The following WDR75 variants were observed in gnomAD, a reference collection of about 807,000 sequenced individuals.
The protein encoded by WDR75 is WD repeat domain 75.
A neutral mutation model predicts 106.1 loss-of-function variants in WDR75; 52 were observed. The observed-to-expected ratio is 0.49, with a 90% CI of 0.39 to 0.62. WDR75 has a LOEUF of 0.62. Among genes scored for constraint, WDR75 ranks in the 20% least tolerant of loss-of-function variants. The probability of loss-of-function intolerance (pLI) is 0.00; values close to 1 mark genes in which losing one functional copy is unlikely to be tolerated. For missense variants in WDR75, 905 were observed against 970.3 expected (o/e 0.93, Z 0.89); for synonymous variants, 333 against 335.5 (o/e 0.99, Z 0.08).
In WDR75 at chr2:189,466,568, ACT is replaced by A. The variant is rs1411794023; in HGVS notation, c.1436_1437del (p.Ser479Ter). On this transcript the variant is annotated frameshift_variant, in exon 13 of 21. Transcript: ENST00000314761. LOFTEE classifies it high-confidence loss of function. ...TTCAAAGTATGGATATTAACAGATG[ACT>A]CTGACATATACAGTAAGTTATTAAA... The A allele has an allele frequency of 6.2e-7, 1 of 1,611,328 alleles. No individual in the cohort carries two copies. Among genetic ancestry groups the A allele is most frequent in the African/African-American group, 1.3e-5 (1 of 74,698 alleles).
At chr2:189,455,183 G>A (rs1686706673) in intron 4 of WDR75, 137 bp from the exon 5 acceptor site, 4 of 986,664 alleles carry the variant, frequency 4.1e-6, no homozygotes, top group Non-Finnish European at 5.6e-6. Context: ...AGAGGTTGCA[G>A]TGAGCCGAGA....
chr2:189,468,534 G>T lies in WDR75; in HGVS notation c.1688G>T (p.Gly563Val). The change falls in exon 15 of 21, where the codon GGC becomes GTC. Residue 563 changes from glycine (G) to valine (V), a missense_variant. Gly to Val is a moderately radical substitution (Grantham distance 109). Transcript: ENST00000314761. The stretch of plus-strand genomic sequence containing the variant: ...TATCTACTTGGTGCTACTGAAAATG[G>T]CATTCTTTGCTGTTGGAATCTGCTG... ...SKYLLGATEN[G>V]ILCCWNLLSC... The T allele has an allele frequency of 2.2e-5, 35 of 1,613,212 alleles. No individual in the cohort carries two copies. Among genetic ancestry groups the T allele is most frequent in the Non-Finnish European group, 3.0e-5 (35 of 1,179,380 alleles).
rs2106114805 is a variant in WDR75 at position 189,451,868 on chromosome 2, T to C, written c.346T>C (p.Phe116Leu). 1.2e-6 allele frequency: 2 copies of C among 1,613,638 alleles called. No homozygotes were observed. The highest frequency in any genetic ancestry group is 1.3e-5 in the African/African-American group (1 of 75,038). The change falls in exon 4 of 21, where the codon TTT (phenylalanine) becomes CTT (leucine). Residue 116 changes from phenylalanine (F) to leucine (L), a missense_variant. Phe to Leu is a conservative substitution (Grantham distance 22). Coordinates refer to ENST00000314761, the MANE Select transcript of WDR75 (RefSeq NM_032168.3). ...FTLAQAEDSV[F>L]VIVNKEKPDI... Reference sequence around the variant, plus strand: ...TCTTGCCCAAGCTGAGGATTCTGTCTTTGTTATAGTGAATAAAGAAAAACC... The same window carrying C: ...TCTTGCCCAAGCTGAGGATTCTGTCCTTGTTATAGTGAATAAAGAAAAACC...
At chr2:189,450,459 T>A in intron 2 of WDR75, 1 of 838,262 alleles carries the variant, frequency 1.2e-6, no homozygotes, top group Non-Finnish European at 1.4e-6. Context: ...GCCTCCCAAG[T>A]AGCTAGGATT....
intron 2 of WDR75, chr2:189,449,484 CTAT>C: frequency 9.1e-7 from 1 of 1,093,456 alleles, no homozygotes; most frequent in African/African-American, 1.6e-5. Flanking sequence ...AATAGCAAAA[CTAT>C]TATTTTGTTA....
intron 1 of WDR75, among the ~76,000 whole-genome samples, chr2:189,447,774 T>C (rs1200126854): frequency 1.3e-5 from 2 of 152,228 alleles, no homozygotes; most frequent in Non-Finnish European, 2.9e-5. Flanking sequence ...CAAATTTGAG[T>C]ATACAATTCT....
chr2:189,450,713 G>C lies in WDR75; in HGVS notation c.217-190G>C, dbSNP rs1182808854. The C allele has an allele frequency of 1.3e-5, 18 of 1,394,072 alleles. No homozygotes were observed. In the Admixed American group the frequency reaches 4.0e-4, roughly 31 times the overall value. 86.4% of individuals were successfully genotyped at this position (1,394,072 alleles called of 1,614,324 possible). On this transcript the variant is annotated intron_variant, in intron 2 of 20. Transcript: ENST00000314761. The stretch of plus-strand genomic sequence containing the variant: ...TTTTAGTTAAAACTTGAAATGGATG[G>C]ATCTGCTTCTTGCAGAAAGCTGTGA...
At chr2:189,452,285 C>T (rs960034838) in intron 4 of WDR75, among the ~76,000 whole-genome samples, 3 of 152,114 alleles carry the variant, frequency 2.0e-5, no homozygotes, top group Non-Finnish European at 4.4e-5. Context: ...ATTGGCCAGG[C>T]GCAGTGGCTC....
chr2:189,458,359 T>G (rs1420468655), intron 6 of WDR75, among the ~76,000 whole-genome samples: 1 of 152,222 alleles, frequency 6.6e-6, no homozygotes, highest in East Asian at 1.9e-4. Flanking sequence ...TCCTTTCAGA[T>G]GCATTAGCCA....
Position 189,463,997 on chromosome 2 carries a change from AG to A in WDR75, c.1113+37del, listed in dbSNP as rs1172061236. On this transcript the variant is annotated intron_variant, in intron 11 of 20. Coordinates refer to ENST00000314761, the MANE Select transcript of WDR75 (RefSeq NM_032168.3). ...GATCATTAGCCTTGAAATTAATGAA[AG>A]CTCTTTACAGTACCACTGGAGTCAA... 3.2e-6 allele frequency: 5 copies of A among 1,555,748 alleles called. No individual in the cohort carries two copies. In the African/African-American group the frequency reaches 5.4e-5, roughly 17 times the overall value.
In WDR75 at chr2:189,459,533, T is replaced by G. The variant is rs576983732; in HGVS notation, c.778+109T>G. The G allele has an allele frequency of 4.3e-4, 446 of 1,025,470 alleles. 1 individual carries two copies. Among genetic ancestry groups the G allele is most frequent in the Middle Eastern group, 2.3e-3 (10 of 4,418 alleles). The allele number at this position is 1,025,470 out of a possible 1,614,324, so 63.5% of individuals were successfully genotyped here. On this transcript the variant is annotated intron_variant, in intron 8 of 20. Transcript: ENST00000314761. ...TTTAAAACTGCATGAGCCAAATGAA[T>G]TCCAAACACTTGTGTGTTACCCCTG...
At chr2:189,463,574 A>G in intron 9 of WDR75, 120 bp from the exon 10 acceptor site, 1 of 781,256 alleles carries the variant, frequency 1.3e-6, no homozygotes, top group Non-Finnish European at 2.1e-6. Flanking sequence ...AATAATAATA[A>G]TGTTTTCAGA....
chr2:189,460,407 C>G lies in WDR75; in HGVS notation c.778+983C>G, dbSNP rs189792762. Among the ~76,000 whole-genome samples the G allele has an allele frequency of 4.6e-5, 7 of 152,182 alleles. No homozygotes were observed. The East Asian group carries it at 1.2e-3, about 25-fold the overall frequency. ...GACTAGTGTATGGAGACAATGTAGG[C>G]TGCTCATTTGTATTCTCTACCCTCC... On this transcript the variant is annotated intron_variant, in intron 8 of 20. Transcript: ENST00000314761.
At chr2:189,459,311 TAA>T in intron 7 of WDR75, 23 bp from the exon 8 acceptor site, 1 of 1,559,804 alleles carries the variant, frequency 6.4e-7, no homozygotes, top group Non-Finnish European at 8.8e-7. Context: ...ATGGTCAAAA[TAA>T]GAGTTTTATC....
exon 21 of WDR75, chr2:189,475,551 AAC>A (rs2105578234): frequency 1.7e-6 from 1 of 573,430 alleles, no homozygotes; most frequent in East Asian, 3.1e-5. Context: ...TTTTTTAAAA[AAC>A]TGATAATATG....
Position 189,451,788 on chromosome 2 carries a change from T to C in WDR75, c.283-17T>C, listed in dbSNP as rs774420631. 15 of 1,603,972 alleles carry C rather than the reference T, an allele frequency of 9.4e-6. No homozygotes were observed. Among genetic ancestry groups the C allele is most frequent in the Non-Finnish European group, 1.1e-5 (13 of 1,171,306 alleles). On this transcript the variant is annotated splice_polypyrimidine_tract_variant and intron_variant, in intron 3 of 20. Coordinates refer to ENST00000314761, the MANE Select transcript of WDR75 (RefSeq NM_032168.3). The stretch of plus-strand genomic sequence containing the variant: ...AGGGAACAGACAGTAAACACTATGG[T>C]GCTCTTTATCTTTCAGACTTTCATA...
chr2:189,445,631 A>C (rs1686483425), intron 1 of WDR75, among the ~76,000 whole-genome samples: 1 of 152,268 alleles, frequency 6.6e-6, no homozygotes, highest in East Asian at 1.9e-4. Flanking sequence ...TTAATGGAAA[A>C]AGTGAAGAGC....
intron 8 of WDR75, among the ~76,000 whole-genome samples, chr2:189,462,172 A>G (rs989027164): frequency 6.6e-6 from 1 of 151,790 alleles, no homozygotes; most frequent in African/African-American, 2.4e-5. Flanking sequence ...TTTTTGGTAT[A>G]GTATTTAAAT....
At position 189,467,646 on chromosome 2, in the gene WDR75, AAGGT is replaced by A. The variant is rs761815798; in HGVS notation, c.1628+4_1628+7del. ...CATTTTGCCAACGAGCTGGGAAAAT[AAGGT>A]AGGTAAATCTTCGGGAAGTATGTAG... On this transcript the variant is annotated splice_donor_variant and coding_sequence_variant, in exon 14 of 21. Coordinates refer to ENST00000314761, the MANE Select transcript of WDR75 (RefSeq NM_032168.3). LOFTEE classifies it high-confidence loss of function. The A allele has an allele frequency of 2.5e-6, 4 of 1,592,702 alleles. No individual in the cohort carries two copies. The highest frequency in any genetic ancestry group is 3.4e-6 in the Non-Finnish European group (4 of 1,169,754).
Sources: gnomAD v4.1 joint callset for allele counts (sites outside exome capture counted in the v4.1 genomes callset) on GRCh38, gnomAD v4.1.1 for gene constraint, MANE v1.5 for transcripts, NCBI Gene and HGNC (gene_info 2026-07-23, HGNC 2026-07-21) for gene names.